TARP: variants seen among roughly 807,000 people sequenced by gnomAD.
At chr7:38,269,472 G>T in the TARP span, 83 of 723,170 alleles carry the variant, frequency 1.1e-4, no homozygotes, top group Admixed American at 1.6e-3. Context: ...TGGAAATGTT[G>T]TATTCTTCCG....
the TARP span, among the ~76,000 whole-genome samples, chr7:38,260,520 T>C: frequency 6.7e-6 from 1 of 150,004 alleles, no homozygotes; most frequent in Non-Finnish European, 1.5e-5. Context: ...TTTGCTGATG[T>C]GTTAGGTAGT....
At chr7:38,266,751 A>T in the TARP span, among the ~76,000 whole-genome samples, 2 of 151,894 alleles carry the variant, frequency 1.3e-5, no homozygotes, top group African/African-American at 2.4e-5. Context: ...TTTATATAAC[A>T]TCTCAATTTC....
chr7:38,273,101 T>C, the TARP span, among the ~76,000 whole-genome samples: 2 of 151,220 alleles, frequency 1.3e-5, no homozygotes, highest in African/African-American at 4.9e-5. Flanking sequence ...ATTGGACCAA[T>C]TTAAATAACA....
At chr7:38,263,256 T>A in the TARP span, among the ~76,000 whole-genome samples, 24,406 of 134,446 alleles carry the variant, frequency 0.18, no homozygotes, top group African/African-American at 0.35. Context: ...GTGAGTTGTA[T>A]TATGTATGGC....
the TARP span, among the ~76,000 whole-genome samples, chr7:38,264,777 T>G: frequency 6.6e-6 from 1 of 151,646 alleles, no homozygotes; most frequent in Non-Finnish European, 1.5e-5. Flanking sequence ...TTTGCACATT[T>G]GCCTCCCCTT....
chr7:38,261,084 T>C, the TARP span, among the ~76,000 whole-genome samples: 1 of 151,818 alleles, frequency 6.6e-6, no homozygotes, highest in Non-Finnish European at 1.5e-5. Flanking sequence ...CTTTGTTGGC[T>C]GATGAGAAAA....
the TARP span, among the ~76,000 whole-genome samples, chr7:38,270,206 AC>A: frequency 6.6e-6 from 1 of 151,942 alleles, no homozygotes; most frequent in Non-Finnish European, 1.5e-5. Flanking sequence ...TGACATTTTA[AC>A]CCTATAGGAC....
At chr7:38,273,628 T>TTTTTGCCCAAC in the TARP span, 1 of 1,598,288 alleles carries the variant, frequency 6.3e-7, no homozygotes, top group Non-Finnish European at 8.5e-7. Context: ...TACCTTGATT[T>TTTTTGCCCAAC]TTTTGCCCAA....
At chr7:38,265,441 T>G in the TARP span, 1 of 1,611,630 alleles carries the variant, frequency 6.2e-7, no homozygotes, top group Non-Finnish European at 8.5e-7. Context: ...GTCCAGTGAC[T>G]TTTCTGGCAC....
the TARP span, among the ~76,000 whole-genome samples, chr7:38,261,994 A>G: frequency 1.3e-5 from 2 of 151,574 alleles, no homozygotes; most frequent in African/African-American, 4.9e-5. Flanking sequence ...GTCATCTCAT[A>G]CCCCAAAGCA....
the TARP span, among the ~76,000 whole-genome samples, chr7:38,260,673 G>A: frequency 2.6e-5 from 4 of 151,878 alleles, no homozygotes; most frequent in Non-Finnish European, 5.9e-5. Flanking sequence ...TGGACCACTA[G>A]TGCCTACTCA....
the TARP span, among the ~76,000 whole-genome samples, chr7:38,265,024 C>T: frequency 1.2e-4 from 18 of 150,930 alleles, no homozygotes; most frequent in African/African-American, 3.9e-4. Context: ...ACTTTTTGAG[C>T]GTTTACCACG....
the TARP span, chr7:38,265,308 T>A: frequency 1.4e-6 from 2 of 1,457,298 alleles, no homozygotes; most frequent in Non-Finnish European, 1.9e-6. Flanking sequence ...GCATTCACTT[T>A]CAAAGAAGTG....
chr7:38,262,300 G>A, the TARP span: 1 of 1,025,220 alleles, frequency 9.8e-7, no homozygotes, highest in South Asian at 1.4e-5. Context: ...CCTGTCGACA[G>A]AGAGGCAGGA....
At chr7:38,263,709 A>T in the TARP span, among the ~76,000 whole-genome samples, 1 of 151,638 alleles carries the variant, frequency 6.6e-6, no homozygotes, top group Admixed American at 6.6e-5. Flanking sequence ...AAGAAAACAC[A>T]GTTGCATTGG....
At chr7:38,261,259 G>T in the TARP span, among the ~76,000 whole-genome samples, 17 of 151,662 alleles carry the variant, frequency 1.1e-4, 1 homozygote, top group South Asian at 3.5e-3. Flanking sequence ...TGTAGAAAAA[G>T]AACAGAAAAC....
chr7:38,266,035 T>A, the TARP span, among the ~76,000 whole-genome samples: 7 of 151,396 alleles, frequency 4.6e-5, no homozygotes, highest in Admixed American at 1.3e-4. Flanking sequence ...TATTTTTTAA[T>A]CTCTTTTGTT....
At chr7:38,262,478 C>CA in the TARP span, among the ~76,000 whole-genome samples, 1 of 151,500 alleles carries the variant, frequency 6.6e-6, no homozygotes, top group Admixed American at 6.6e-5. Flanking sequence ...TATCCAAGAG[C>CA]ATTTACTTTT....
the TARP span, among the ~76,000 whole-genome samples, chr7:38,273,100 A>C: frequency 6.6e-6 from 1 of 151,234 alleles, no homozygotes; most frequent in Non-Finnish European, 1.5e-5. Flanking sequence ...CATTGGACCA[A>C]TTTAAATAAC....
Sources: gnomAD v4.1 joint callset for allele counts (sites outside exome capture counted in the v4.1 genomes callset) on GRCh38, gnomAD v4.1.1 for gene constraint, MANE v1.5 for transcripts.